MAP4K3: variants seen among roughly 807,000 people sequenced by gnomAD.
MAP4K3 encodes the protein mitogen-activated protein kinase kinase kinase kinase 3, also known as MAPK/ERK kinase kinase kinase 3.
A neutral mutation model predicts 143.5 loss-of-function variants in MAP4K3; 94 were observed. The observed-to-expected ratio is 0.65, with a 90% CI of 0.55 to 0.78. MAP4K3 has a LOEUF of 0.78. MAP4K3 is among the 30% of genes least tolerant of loss of function. The pLI is 0.00. For synonymous variants in MAP4K3, 416 were observed against 347.2 expected (o/e 1.20, Z -2.20); for missense variants, 1,077 against 1,068.1 (o/e 1.01, Z -0.12).
At chr2:39,429,064 CAAAAAAAAA>C (rs34783806) in intron 1 of MAP4K3, among the ~76,000 whole-genome samples, 6 of 60,100 alleles carry the variant, frequency 1.0e-4, no homozygotes, top group Non-Finnish European at 1.4e-4. Flanking sequence ...GACTCCGTCT[CAAAAAAAAA>C]AAAAAAAAAA....
In MAP4K3 at chr2:39,249,665, G is replaced by T. The variant is rs1680074760; in HGVS notation, c.*953C>A. On this transcript the variant is annotated 3_prime_UTR_variant, in exon 34 of 34. Transcript: ENST00000263881. ...AAAGTAAAAATTCCAAGAGAAATTT[G>T]AACCACTTCACTCTATGGAATGTTA... The T allele has an allele frequency of 6.6e-6, 1 of 152,538 alleles. No individual in the cohort carries two copies. Among genetic ancestry groups the T allele is most frequent in the African/African-American group, 2.4e-5 (1 of 41,430 alleles). 9.4% of individuals were successfully genotyped at this position (152,538 alleles called of 1,614,324 possible). A position where few individuals can be genotyped will look rare whatever the true frequency, so the allele number is the denominator to read the frequency against.
chr2:39,416,495 T>G (rs184241309), intron 1 of MAP4K3, among the ~76,000 whole-genome samples: 91 of 152,260 alleles, frequency 6.0e-4, no homozygotes, highest in African/African-American at 2.0e-3. Context: ...TGGATTGGTT[T>G]AAGGAGGGCA....
At chr2:39,339,693 T>A (rs925284382) in intron 4 of MAP4K3, among the ~76,000 whole-genome samples, 3 of 152,148 alleles carry the variant, frequency 2.0e-5, no homozygotes, top group African/African-American at 7.2e-5. Context: ...TTGGCTGTCA[T>A]AGGGATGGAG....
chr2:39,326,243 C>T lies in MAP4K3; in HGVS notation c.565G>A (p.Gly189Arg). 6 of 1,613,896 alleles carry T rather than the reference C, an allele frequency of 3.7e-6. No homozygotes were observed. The highest frequency in any genetic ancestry group is 5.1e-6 in the Non-Finnish European group (6 of 1,179,882). The change falls in exon 9 of 34, where the codon GGG becomes AGG. Residue 189 changes from glycine (G) to arginine (R), a missense_variant. This residue lies in a region of MAP4K3 where 213 missense variants were observed against 266.8 expected (regional missense o/e 0.80). Transcript: ENST00000263881. ...APEVAAVERK[G>R]GYNQLCDLWA... ...AGATCACAGAGTTGATTGTAACCCCCCTTCCTCTCAACAGCTGCAACTTCT... is the reference window on the plus strand; with the variant it reads ...AGATCACAGAGTTGATTGTAACCCCTCTTCCTCTCAACAGCTGCAACTTCT...
intron 15 of MAP4K3, among the ~76,000 whole-genome samples, chr2:39,300,534 G>A (rs1422966384): frequency 6.6e-6 from 1 of 152,154 alleles, no homozygotes; most frequent in Non-Finnish European, 1.5e-5. Flanking sequence ...TGAAAAGAAT[G>A]AAGTAAAGCT....
chr2:39,358,413 A>G (rs1028630901), intron 2 of MAP4K3, among the ~76,000 whole-genome samples: 1 of 152,200 alleles, frequency 6.6e-6, no homozygotes, highest in African/African-American at 2.4e-5. Flanking sequence ...TAAATCCAGA[A>G]TATCAGCTTT....
chr2:39,366,324 T>C (rs1305753458), intron 2 of MAP4K3, among the ~76,000 whole-genome samples: 1 of 152,076 alleles, frequency 6.6e-6, no homozygotes, highest in Non-Finnish European at 1.5e-5. Context: ...TTTTAAAAAT[T>C]TTCTGATTGG....
chr2:39,412,389 G>A (rs1667255636), intron 1 of MAP4K3, among the ~76,000 whole-genome samples: 1 of 152,072 alleles, frequency 6.6e-6, no homozygotes, highest in African/African-American at 2.4e-5. Flanking sequence ...CTAGAAGCTG[G>A]AGATATAACA....
At chr2:39,274,909 C>T (rs760919111) in intron 24 of MAP4K3, among the ~76,000 whole-genome samples, 18 of 152,216 alleles carry the variant, frequency 1.2e-4, no homozygotes, top group Non-Finnish European at 2.1e-4. Flanking sequence ...GTCATCTTCT[C>T]ACTTTTCAGA....
intron 2 of MAP4K3, 55 bp downstream of exon 2, chr2:39,378,011 T>A: frequency 9.7e-7 from 1 of 1,027,562 alleles, no homozygotes; most frequent in Non-Finnish European, 1.5e-6. Context: ...AAATAAGCCT[T>A]AAGATATCCC....
chr2:39,267,319 A>T, intron 26 of MAP4K3, 72 bp from the exon 27 acceptor site: 1 of 1,170,028 alleles, frequency 8.5e-7, no homozygotes, highest in Non-Finnish European at 1.3e-6. Flanking sequence ...ACTGTTATAG[A>T]TCAGTGCACA....
intron 26 of MAP4K3, 94 bp from the exon 27 acceptor site, chr2:39,267,341 C>T: frequency 1.1e-6 from 1 of 911,778 alleles, no homozygotes; most frequent in Non-Finnish European, 1.8e-6. Context: ...AGGATGAGTT[C>T]AAAACTGGTG....
intron 12 of MAP4K3, among the ~76,000 whole-genome samples, chr2:39,320,873 C>T (rs1027641806): frequency 2.0e-5 from 3 of 152,028 alleles, no homozygotes; most frequent in Non-Finnish European, 4.4e-5. Context: ...TTTGTGGAAA[C>T]ATAATTCATA....
chr2:39,291,087 A>G (rs1682025526), intron 18 of MAP4K3, among the ~76,000 whole-genome samples: 1 of 152,056 alleles, frequency 6.6e-6, no homozygotes, highest in Non-Finnish European at 1.5e-5. Context: ...AAAACAAAAA[A>G]CCAATAATGT....
intron 4 of MAP4K3, among the ~76,000 whole-genome samples, chr2:39,340,986 G>A (rs921113725): frequency 6.6e-5 from 10 of 152,114 alleles, no homozygotes; most frequent in African/African-American, 2.4e-4. Context: ...AGGAGAGATC[G>A]CAGATTGGGG....
At chr2:39,405,797 A>G (rs1558338199) in intron 1 of MAP4K3, among the ~76,000 whole-genome samples, 1 of 151,984 alleles carries the variant, frequency 6.6e-6, no homozygotes. Flanking sequence ...ACCTAAGCCT[A>G]GGAGGTAGAG....
rs140045235 is a variant in MAP4K3, at chr2:39,436,311, C to T, written c.96+581G>A. On this transcript the variant is annotated intron_variant, in intron 1 of 33. Coordinates refer to ENST00000263881, the MANE Select transcript of MAP4K3 (RefSeq NM_003618.4). ...ATTCGACTTAGAGAAAACAAAGTTG[C>T]TCTTTCCAAAAAAAAAAAAAAGTCA... Among the ~76,000 whole-genome samples the T allele has an allele frequency of 9.6e-4, 143 of 149,344 alleles. 2 individuals carry two copies. The East Asian group carries it at 0.024, about 25-fold the overall frequency.
intron 1 of MAP4K3, among the ~76,000 whole-genome samples, chr2:39,384,249 G>A (rs183174586): frequency 2.0e-5 from 3 of 152,134 alleles, no homozygotes; most frequent in African/African-American, 4.8e-5. Context: ...ACTGTCGGCC[G>A]GGCATGGTGG....
intron 2 of MAP4K3, among the ~76,000 whole-genome samples, chr2:39,359,887 C>T (rs1289714302): frequency 6.6e-6 from 1 of 152,226 alleles, no homozygotes. Flanking sequence ...GCCTGGCCCA[C>T]AGTACCATTT....
Sources: gnomAD v4.1 joint callset for allele counts (sites outside exome capture counted in the v4.1 genomes callset) on GRCh38, gnomAD v4.1.1 for gene constraint, gnomAD v4.1.1 regional missense constraint, MANE v1.5 for transcripts, NCBI Gene and HGNC (gene_info 2026-07-23, HGNC 2026-07-21) for gene names.